CNTN3: variants seen among roughly 807,000 people sequenced by gnomAD.
CNTN3 encodes contactin-3.
In CNTN3, 60 loss-of-function variants were observed where a neutral mutation model predicts 119.1. The observed-to-expected ratio is 0.50, with a 90% confidence interval of 0.41 to 0.62. CNTN3 has a LOEUF of 0.62. Ranked by LOEUF, CNTN3 falls within the 20% of genes least tolerant of loss-of-function variation. The pLI is 0.00. For synonymous variants in CNTN3, 450 were observed against 438.7 expected (o/e 1.03, Z -0.32); for missense variants, 1,101 against 1,242.4 (o/e 0.89, Z 1.71).
chr3:74,282,411 A>C (rs1702031257), intron 20 of CNTN3, among the ~76,000 whole-genome samples: 1 of 152,200 alleles, frequency 6.6e-6, no homozygotes, highest in African/African-American at 2.4e-5. Flanking sequence ...AGTCAAGAGG[A>C]AGTACATTTG....
chr3:74,302,654 T>G (rs1443809273), intron 14 of CNTN3, 36 bp downstream of exon 14: 1 of 1,233,396 alleles, frequency 8.1e-7, no homozygotes, highest in East Asian at 2.3e-5. Flanking sequence ...TGTTAAGATG[T>G]GAAGTGACAA....
At chr3:74,316,601 G>A (rs760030720) in intron 13 of CNTN3, among the ~76,000 whole-genome samples, 1 of 152,074 alleles carries the variant, frequency 6.6e-6, no homozygotes, top group African/African-American at 2.4e-5. Flanking sequence ...CCCATTAATG[G>A]GAGACTGGGT....
intron 1 of CNTN3, among the ~76,000 whole-genome samples, chr3:74,537,832 CA>C (rs1703787433): frequency 6.6e-6 from 1 of 151,988 alleles, no homozygotes; most frequent in African/African-American, 2.4e-5. Context: ...TGGAGGTCTA[CA>C]GGGGAATGGC....
intron 1 of CNTN3, among the ~76,000 whole-genome samples, chr3:74,554,637 C>T (rs1704042635): frequency 6.6e-6 from 1 of 152,162 alleles, no homozygotes; most frequent in African/African-American, 2.4e-5. Flanking sequence ...CTTCACATCC[C>T]TTGTAAGTTG....
At chr3:74,536,653 C>G (rs1041816446) in intron 1 of CNTN3, among the ~76,000 whole-genome samples, 7 of 152,068 alleles carry the variant, frequency 4.6e-5, no homozygotes, top group African/African-American at 1.7e-4. Context: ...TTGTTCAGAG[C>G]ATGGACTCCA....
At chr3:74,430,057 A>C (rs957731566) in intron 4 of CNTN3, among the ~76,000 whole-genome samples, 4 of 152,220 alleles carry the variant, frequency 2.6e-5, no homozygotes, top group Admixed American at 2.6e-4. Flanking sequence ...AAAATGTCAA[A>C]GCCAATATGG....
intron 11 of CNTN3, among the ~76,000 whole-genome samples, chr3:74,340,047 A>T (rs1291420505): frequency 6.6e-6 from 1 of 152,150 alleles, no homozygotes; most frequent in Non-Finnish European, 1.5e-5. Flanking sequence ...ATACAGCAAT[A>T]AAAAAGTACA....
intron 1 of CNTN3, among the ~76,000 whole-genome samples, chr3:74,585,280 T>C (rs1471244155): frequency 6.6e-6 from 1 of 152,164 alleles, no homozygotes; most frequent in East Asian, 1.9e-4. Flanking sequence ...AATTAAGTTG[T>C]AAATTCTGTA....
At chr3:74,499,934 T>G in intron 2 of CNTN3, 149 bp from the exon 3 acceptor site, 1 of 689,042 alleles carries the variant, frequency 1.5e-6, no homozygotes, top group Non-Finnish European at 2.2e-6. Flanking sequence ...CATTGTTTTG[T>G]TAAAGGAAAT....
intron 2 of CNTN3, among the ~76,000 whole-genome samples, chr3:74,500,597 T>A (rs1415485122): frequency 6.7e-6 from 1 of 149,404 alleles, no homozygotes; most frequent in Non-Finnish European, 1.5e-5. Flanking sequence ...AGAGAATGAA[T>A]AAACAGACTA....
chr3:74,465,705 T>C (rs1702449082), intron 4 of CNTN3, among the ~76,000 whole-genome samples: 1 of 152,180 alleles, frequency 6.6e-6, no homozygotes, highest in Non-Finnish European at 1.5e-5. Flanking sequence ...CATATTTACT[T>C]TCAGAACCCT....
At chr3:74,332,174 GGAA>G in intron 13 of CNTN3, among the ~76,000 whole-genome samples, 1 of 152,160 alleles carries the variant, frequency 6.6e-6, no homozygotes, top group East Asian at 1.9e-4. Context: ...AACCCACTGG[GGAA>G]AAAGGCAAGC....
chr3:74,528,841 C>T (rs2107132661), intron 1 of CNTN3, among the ~76,000 whole-genome samples: 1 of 151,964 alleles, frequency 6.6e-6, no homozygotes, highest in African/African-American at 2.4e-5. Context: ...CATAAAAATT[C>T]CACTGCTTGA....
chr3:74,376,137 A>G (rs1271172069), intron 5 of CNTN3, among the ~76,000 whole-genome samples: 1 of 152,182 alleles, frequency 6.6e-6, no homozygotes, highest in Non-Finnish European at 1.5e-5. Context: ...AGCCCCAAGG[A>G]ACAAAGCCCT....
intron 1 of CNTN3, among the ~76,000 whole-genome samples, chr3:74,550,716 T>C (rs947480975): frequency 2.6e-5 from 4 of 152,112 alleles, no homozygotes; most frequent in Admixed American, 6.6e-5. Flanking sequence ...GTTTTCAAAA[T>C]GTTTTTGTAG....
At position 74,461,970 on chromosome 3, in the gene CNTN3, T is replaced by C. The variant is rs565288505; in HGVS notation, c.358+24486A>G. Among the ~76,000 whole-genome samples, 225 of 152,158 alleles carry C rather than the reference T, an allele frequency of 1.5e-3. 2 individuals carry two copies. The highest frequency in any genetic ancestry group is 5.2e-3 in the African/African-American group (217 of 41,542). On this transcript the variant is annotated intron_variant, in intron 4 of 22. Coordinates refer to ENST00000263665, the MANE Select transcript of CNTN3 (RefSeq NM_020872.3). ...AATCTCATGTTGACTTGTAATGCCA[T>C]TGGGGATTGGAGGTGGGGCCTGGTG...
chr3:74,381,722 T>A (rs192690413), intron 5 of CNTN3, among the ~76,000 whole-genome samples: 132 of 152,266 alleles, frequency 8.7e-4, no homozygotes, highest in Middle Eastern at 6.8e-3. Context: ...ACTCTATGAC[T>A]CTGTAGAAAA....
chr3:74,509,381 T>C (rs1363416831), intron 2 of CNTN3, among the ~76,000 whole-genome samples: 1 of 147,650 alleles, frequency 6.8e-6, no homozygotes, highest in East Asian at 2.1e-4. Context: ...TGATGCAACC[T>C]CCACATCCCG....
chr3:74,486,430 T>G, intron 4 of CNTN3, 26 bp downstream of exon 4: 1 of 1,556,220 alleles, frequency 6.4e-7, no homozygotes, highest in Non-Finnish European at 8.6e-7. Flanking sequence ...ATGTTGGATT[T>G]GCTAGACATG....
Sources: gnomAD v4.1 joint callset for allele counts (sites outside exome capture counted in the v4.1 genomes callset) on GRCh38, gnomAD v4.1.1 for gene constraint, MANE v1.5 for transcripts, NCBI Gene and HGNC (gene_info 2026-07-23, HGNC 2026-07-21) for gene names.